MYH10: variants seen among roughly 807,000 people sequenced by gnomAD.
MYH10 encodes myosin heavy chain 10, also known as myosin-10.
A neutral mutation model predicts 257.8 loss-of-function variants in MYH10; 55 were observed. That is an observed-to-expected ratio of 0.21 (90% confidence interval 0.17 to 0.27). The LOEUF is 0.27. MYH10 is among the 10% of genes least tolerant of loss of function. MYH10 has a pLI of 1.00. For synonymous variants in MYH10, 854 were observed against 921.7 expected, an observed-to-expected ratio of 0.93 and a Z score of 1.33; for missense variants, 1,631 against 2,500.6, an observed-to-expected ratio of 0.65 and a Z score of 7.42.
At position 8,492,417 on chromosome 17, in the gene MYH10, C is replaced by G. The variant is rs1211197582; in HGVS notation, c.4551G>C (p.Leu1517=). 6.2e-7 allele frequency: 1 copy of G among 1,613,290 alleles called. No homozygotes were observed. The highest frequency in any genetic ancestry group is 2.2e-5 in the East Asian group (1 of 44,888). The change falls in exon 34 of 43, where the codon CTG becomes CTC. Residue 1517 remains leucine (L), a synonymous_variant. Coordinates refer to ENST00000360416, the MANE Select transcript of MYH10 (RefSeq NM_001256012.3). ...CTTCCTCGAGGGCCCGGGCCAGTGA[C>G]AGGGCTTTGGTTTCTTTCTCTCTGG... ...AEAREKETKA[L]SLARALEEAL... is the part of the protein sequence containing the mutation.
chr17:8,564,073 A>G (rs1192741075), intron 7 of MYH10, among the ~76,000 whole-genome samples: 1 of 152,244 alleles, frequency 6.6e-6, no homozygotes, highest in African/African-American at 2.4e-5. Flanking sequence ...TTCTTTTTAC[A>G]TAAATCTCCT....
intron 2 of MYH10, among the ~76,000 whole-genome samples, chr17:8,615,862 A>C (rs1240869966): frequency 2.6e-5 from 4 of 152,268 alleles, no homozygotes; most frequent in Non-Finnish European, 2.9e-5. Flanking sequence ...TATCATTCTT[A>C]ATGATGAAAT....
chr17:8,492,255 T>C, intron 34 of MYH10, 42 bp downstream of exon 34: 1 of 1,588,058 alleles, frequency 6.3e-7, no homozygotes, highest in South Asian at 1.1e-5. Flanking sequence ...GCCCCTGGGA[T>C]ACTCTCCCGT....
chr17:8,577,108 CGGGGAGCAGGT>C (rs2083527624), intron 5 of MYH10, 117 bp downstream of exon 5: 1 of 619,866 alleles, frequency 1.6e-6, no homozygotes, highest in African/African-American at 1.8e-5. Context: ...GGGTAGGTGG[CGGGGAGCAGGT>C]GGAGACAAGG....
chr17:8,608,897 G>A (rs1167753506), intron 2 of MYH10, among the ~76,000 whole-genome samples: 3 of 150,326 alleles, frequency 2.0e-5, no homozygotes, highest in Non-Finnish European at 4.4e-5. Context: ...TGCAAGCTCC[G>A]CCTCCCGGGC....
chr17:8,616,981 G>GA (rs2085283852), intron 2 of MYH10, among the ~76,000 whole-genome samples: 2 of 151,988 alleles, frequency 1.3e-5, no homozygotes, highest in Admixed American at 1.3e-4. Context: ...CCTGATTTAT[G>GA]ACTAAGATGC....
chr17:8,596,459 T>G (rs2084375091), intron 3 of MYH10, among the ~76,000 whole-genome samples: 1 of 152,210 alleles, frequency 6.6e-6, no homozygotes, highest in African/African-American at 2.4e-5. Flanking sequence ...GCCCATTTTC[T>G]GACTTTTTAA....
intron 2 of MYH10, among the ~76,000 whole-genome samples, chr17:8,605,525 C>T (rs1001351930): frequency 3.9e-5 from 6 of 152,134 alleles, no homozygotes; most frequent in African/African-American, 1.2e-4. Flanking sequence ...GAGGGTGGAT[C>T]ACAAGGTCAG....
chr17:8,548,828 A>C (rs748313784), intron 9 of MYH10, 41 bp from the exon 10 acceptor site: 1 of 1,548,644 alleles, frequency 6.5e-7, no homozygotes. Flanking sequence ...ATAAATACTC[A>C]TGAAGACAAC....
At chr17:8,537,235 A>G (rs2082166776) in intron 14 of MYH10, among the ~76,000 whole-genome samples, 1 of 152,210 alleles carries the variant, frequency 6.6e-6, no homozygotes, top group Admixed American at 6.5e-5. Context: ...TCTAGGGCAC[A>G]CTCATGAAAT....
At chr17:8,523,930 A>T (rs2081746707) in intron 17 of MYH10, among the ~76,000 whole-genome samples, 1 of 152,164 alleles carries the variant, frequency 6.6e-6, no homozygotes, top group Non-Finnish European at 1.5e-5. Flanking sequence ...ATGGGAAGAC[A>T]AGACCCAAAC....
At chr17:8,539,643 G>T (rs2082239804) in intron 14 of MYH10, among the ~76,000 whole-genome samples, 1 of 152,040 alleles carries the variant, frequency 6.6e-6, no homozygotes, top group Non-Finnish European at 1.5e-5. Flanking sequence ...AGGCTGGAAG[G>T]CAGTGGTGTG....
intron 6 of MYH10, among the ~76,000 whole-genome samples, chr17:8,573,309 G>A (rs569140113): frequency 1.5e-4 from 23 of 152,218 alleles, no homozygotes; most frequent in African/African-American, 1.7e-4. Flanking sequence ...GCAGGGCAGA[G>A]CTGCAGGAAG....
At position 8,490,112 on chromosome 17, in the gene MYH10, G is replaced by GCCTGTC; in HGVS notation, c.4884+227_4884+228insGACAGG. On this transcript the variant is annotated intron_variant, in intron 35 of 42. Transcript: ENST00000360416. The surrounding 1 kb of genome is among the most constrained non-coding windows in gnomAD (Gnocchi z 4.1). Reference sequence around the variant, plus strand: ...CCACTGAGGGCTTTCTGACTGATAAGTGTCTGGCTTGTAGGCAGGAATGAT... The same window carrying GCCTGTC: ...CCACTGAGGGCTTTCTGACTGATAAGCCTGTCTGTCTGGCTTGTAGGCAGGAATGAT... 1 of 453,378 alleles carries GCCTGTC rather than the reference G, an allele frequency of 2.2e-6. No individual in the cohort carries two copies. The allele number at this position is 453,378 out of a possible 1,614,324, so 28.1% of individuals were successfully genotyped here.
At position 8,618,180 on chromosome 17, in the gene MYH10, C is replaced by T. The variant is rs182100854; in HGVS notation, c.345+4722G>A. On this transcript the variant is annotated intron_variant, in intron 2 of 42. Coordinates refer to ENST00000360416, the MANE Select transcript of MYH10 (RefSeq NM_001256012.3). ...GTTGGAAGAGAGAGGAACGGTTTAA[C>T]AGTCTTTTCAGATAACCATGGATAT... Among the ~76,000 whole-genome samples the T allele has an allele frequency of 1.2e-3, 179 of 151,966 alleles. 1 individual carries two copies. The highest frequency in any genetic ancestry group is 6.8e-3 in the Middle Eastern group (2 of 292).
At chr17:8,494,066 C>T (rs909357200) in intron 31 of MYH10, among the ~76,000 whole-genome samples, 181 bp from the exon 32 acceptor site, 19 of 152,214 alleles carry the variant, frequency 1.2e-4, no homozygotes, top group African/African-American at 4.3e-4. Context: ...GCTCTTCACA[C>T]CAACACTGCT....
In MYH10 at chr17:8,549,635, G is replaced by T. The variant is rs540421437; in HGVS notation, c.920-848C>A. On this transcript the variant is annotated intron_variant, in intron 9 of 42. Coordinates refer to ENST00000360416, the MANE Select transcript of MYH10 (RefSeq NM_001256012.3). ...CTACATCACATTTAACTTCTACAGG[G>T]TACTGCCTGCTGCTTTCTTTTTCTA... Among the ~76,000 whole-genome samples, 222 of 152,276 alleles carry T rather than the reference G, an allele frequency of 1.5e-3. 1 individual carries two copies. The highest frequency in any genetic ancestry group is 4.3e-3 in the African/African-American group (179 of 41,558).
intron 4 of MYH10, 84 bp downstream of exon 4, chr17:8,588,997 C>A: frequency 7.8e-7 from 1 of 1,289,244 alleles, no homozygotes; most frequent in Non-Finnish European, 1.1e-6. Context: ...TACTGCTCTA[C>A]TTCTCCCCTC....
chr17:8,574,244 C>G (rs1161369804), intron 6 of MYH10, among the ~76,000 whole-genome samples: 1 of 152,174 alleles, frequency 6.6e-6, no homozygotes, highest in South Asian at 2.1e-4. Context: ...TCTGGATGAA[C>G]CTTGAATATA....
Sources: gnomAD v4.1 joint callset for allele counts (sites outside exome capture counted in the v4.1 genomes callset) on GRCh38, gnomAD v4.1.1 for gene constraint, Gnocchi (gnomAD v3.1) non-coding constraint, MANE v1.5 for transcripts, NCBI Gene and HGNC (gene_info 2026-07-23, HGNC 2026-07-21) for gene names.